Variants in TBCK observed in about 807,000 individuals in gnomAD.
The protein encoded by TBCK is TBC domain-containing protein kinase-like protein.
In TBCK, 99 loss-of-function variants were observed where a neutral mutation model predicts 113.4. The ratio of observed to expected loss-of-function variants is 0.87; its 90% CI spans 0.74 to 1.03. TBCK has a LOEUF of 1.03. Ranked by LOEUF, TBCK falls within the 50% of genes least tolerant of loss-of-function variation. The probability of loss-of-function intolerance (pLI) is 0.00; values close to 1 mark genes in which losing one functional copy is unlikely to be tolerated. For synonymous variants in TBCK, 369 were observed against 370.8 expected, an observed-to-expected ratio of 1.00 and a Z score of 0.05; for missense variants, 1,045 against 1,061.3, an observed-to-expected ratio of 0.98 and a Z score of 0.21.
At chr4:106,269,045 A>T (rs1763248594) in intron 3 of TBCK, among the ~76,000 whole-genome samples, 1 of 152,104 alleles carries the variant, frequency 6.6e-6, no homozygotes, top group Admixed American at 6.6e-5. Context: ...ATGTTCTTTC[A>T]CCTTATAAAA....
chr4:106,083,943 C>T (rs12508029), intron 25 of TBCK, among the ~76,000 whole-genome samples: 4,909 of 152,246 alleles, frequency 0.032, 389 homozygotes, highest in East Asian at 0.28. Flanking sequence ...GGGTCAGCAG[C>T]CTCAAAGACC....
chr4:106,310,848 G>GA (rs935289815), intron 1 of TBCK, among the ~76,000 whole-genome samples: 65 of 152,156 alleles, frequency 4.3e-4, no homozygotes, highest in African/African-American at 1.6e-3. Flanking sequence ...AATAATTTAT[G>GA]AAAAAATAAC....
At chr4:106,215,525 A>G (rs2149908732) in intron 19 of TBCK, among the ~76,000 whole-genome samples, 1 of 152,316 alleles carries the variant, frequency 6.6e-6, no homozygotes, top group African/African-American at 2.4e-5. Flanking sequence ...AGGAAGATCT[A>G]CCAAGCAAAG....
intron 23 of TBCK, among the ~76,000 whole-genome samples, chr4:106,146,145 A>G (rs543729789): frequency 8.5e-5 from 13 of 152,328 alleles, no homozygotes; most frequent in Non-Finnish European, 1.5e-4. Context: ...GAATCAGCCT[A>G]AGTGCCCATC....
Position 106,042,923 on chromosome 4 carries a change from G to A in TBCK, c.*3647C>T, listed in dbSNP as rs1177390286. 3 of 152,076 alleles carry A rather than the reference G, an allele frequency of 2.0e-5. No individual in the cohort carries two copies. The highest frequency in any genetic ancestry group is 2.9e-5 in the Non-Finnish European group (2 of 68,020). 9.4% of individuals were successfully genotyped at this position (152,076 alleles called of 1,614,324 possible). A position where few individuals can be genotyped will look rare whatever the true frequency, so the allele number is the denominator to read the frequency against. On this transcript the variant is annotated 3_prime_UTR_variant, in exon 26 of 26. Coordinates refer to ENST00000394708, the MANE Select transcript of TBCK (RefSeq NM_001163435.3). ...TCCTCTGTAGCTTCCCTAATTTGGC[G>A]GGAAGTTATGTCTTGTCATTTCATG...
chr4:106,276,119 T>C (rs1429660877), intron 3 of TBCK, among the ~76,000 whole-genome samples: 10 of 152,164 alleles, frequency 6.6e-5, no homozygotes, highest in African/African-American at 2.2e-4. Flanking sequence ...TCTATACTTA[T>C]ATGGCCTTTT....
intron 20 of TBCK, 113 bp downstream of exon 20, chr4:106,212,637 C>A: frequency 1.5e-6 from 1 of 652,286 alleles, no homozygotes; most frequent in South Asian, 2.4e-5. Flanking sequence ...GTAGCAGTAA[C>A]TTGTTCAGAT....
chr4:106,297,635 T>C (rs1041976646), intron 2 of TBCK: 1 of 152,214 alleles, frequency 6.6e-6, no homozygotes, highest in African/African-American at 2.4e-5. Context: ...TCTAGCTTCA[T>C]CTATATTATT....
intron 22 of TBCK, among the ~76,000 whole-genome samples, chr4:106,186,731 C>G (rs1356780698): frequency 6.6e-6 from 1 of 152,034 alleles, no homozygotes; most frequent in East Asian, 1.9e-4. Context: ...GCTTAAAGAG[C>G]TTAATTAGGT....
intron 23 of TBCK, among the ~76,000 whole-genome samples, chr4:106,125,764 G>A (rs115426373): frequency 0.013 from 1,958 of 152,216 alleles, 18 homozygotes; most frequent in Non-Finnish European, 0.02. Context: ...TGTTGTGGGA[G>A]ATGGGGATGA....
At chr4:106,157,092 C>A (rs1341239099) in intron 23 of TBCK, among the ~76,000 whole-genome samples, 1 of 152,138 alleles carries the variant, frequency 6.6e-6, no homozygotes, top group African/African-American at 2.4e-5. Context: ...TCCTTCCCTT[C>A]AAGGCAGCAG....
chr4:106,259,673 A>G (rs1029151560), intron 5 of TBCK, among the ~76,000 whole-genome samples: 3 of 151,988 alleles, frequency 2.0e-5, no homozygotes, highest in African/African-American at 7.2e-5. Context: ...AAATGTAGTG[A>G]AATGTTAACA....
chr4:106,153,394 T>C (rs1048473588), intron 23 of TBCK, among the ~76,000 whole-genome samples: 1 of 152,130 alleles, frequency 6.6e-6, no homozygotes, highest in Non-Finnish European at 1.5e-5. Flanking sequence ...CTAGTTTTAT[T>C]CCATGTGGTC....
chr4:106,188,464 T>C (rs554358326), intron 22 of TBCK, among the ~76,000 whole-genome samples: 3 of 152,326 alleles, frequency 2.0e-5, no homozygotes, highest in South Asian at 2.1e-4. Flanking sequence ...AATGCCATCA[T>C]TGGTATCTTG....
intron 12 of TBCK, among the ~76,000 whole-genome samples, chr4:106,240,889 A>G (rs1760034300): frequency 6.6e-6 from 1 of 152,014 alleles, no homozygotes; most frequent in Admixed American, 6.6e-5. Context: ...GGATTAGCAA[A>G]CTGTTTCTAT....
At chr4:106,065,906 A>G (rs770334231) in intron 25 of TBCK, among the ~76,000 whole-genome samples, 7 of 152,022 alleles carry the variant, frequency 4.6e-5, no homozygotes, top group Non-Finnish European at 1.0e-4. Context: ...GGTGAAAAGC[A>G]ATGTTTTATC....
At chr4:106,103,827 C>T (rs1741831431) in intron 24 of TBCK, among the ~76,000 whole-genome samples, 1 of 152,128 alleles carries the variant, frequency 6.6e-6, no homozygotes, top group South Asian at 2.1e-4. Context: ...TGGGACTAAT[C>T]AAGGAAACAA....
At chr4:106,080,006 C>T (rs2149490454) in intron 25 of TBCK, among the ~76,000 whole-genome samples, 1 of 152,276 alleles carries the variant, frequency 6.6e-6, no homozygotes, top group Non-Finnish European at 1.5e-5. Context: ...AATCACCTCC[C>T]ACCAGGCCCC....
intron 19 of TBCK, among the ~76,000 whole-genome samples, chr4:106,221,562 TCA>T (rs1385683516): frequency 1.3e-5 from 2 of 152,040 alleles, no homozygotes; most frequent in African/African-American, 4.8e-5. Flanking sequence ...TGTAATATTC[TCA>T]GTTATTTCAA....
Sources: allele counts gnomAD v4.1 joint callset (sites outside exome capture counted in the v4.1 genomes callset), GRCh38; gene constraint gnomAD v4.1.1; transcripts MANE v1.5; gene names NCBI Gene and HGNC (gene_info 2026-07-23, HGNC 2026-07-21).